PKHD1L1: variants seen among roughly 807,000 people sequenced by gnomAD.
PKHD1L1 encodes PKHD1 like 1.
A neutral mutation model predicts 462.9 loss-of-function variants in PKHD1L1; 434 were observed. The ratio of observed to expected loss-of-function variants is 0.94; its 90% CI spans 0.87 to 1.02. PKHD1L1 has a LOEUF of 1.02. PKHD1L1 is among the 50% of genes least tolerant of loss of function. PKHD1L1 has a pLI of 0.00. For missense variants in PKHD1L1, 5,202 were observed against 5,096.1 expected (o/e 1.02, Z -0.63); for synonymous variants, 1,781 against 1,750.0 (o/e 1.02, Z -0.44).
At position 109,510,859 on chromosome 8, in the gene PKHD1L1, ATCTTATGAAGTTTACTTC is replaced by A; in HGVS notation, c.11479_11496del (p.Ser3827_Phe3832del). On this transcript the variant is annotated inframe_deletion, in exon 71 of 78. Transcript: ENST00000378402. The stretch of plus-strand genomic sequence containing the variant: ...TTCACAGCATTGTGGCTCTGAACAA[ATCTTATGAAGTTTACTTC>A]ACTGGCACCAGTCCTCAGAATCTTC... 2 of 1,613,402 alleles carry A rather than the reference ATCTTATGAAGTTTACTTC, an allele frequency of 1.2e-6. No homozygotes were observed. The highest frequency in any genetic ancestry group is 1.7e-6 in the Non-Finnish European group (2 of 1,179,526).
In PKHD1L1 at chr8:109,479,572, T is replaced by C. The variant is rs116618272; in HGVS notation, c.9111T>C (p.Phe3037=). The change falls in exon 54 of 78, where the codon TTT becomes TTC. Residue 3037 remains phenylalanine (F), a synonymous_variant. Coordinates refer to ENST00000378402, the MANE Select transcript of PKHD1L1 (RefSeq NM_177531.6). ...TCAGTTTATGGTCAAATGATTCTTT[T>C]TGGCAATCATCACGAGAAAATAATT... ...ATYNLWSNDS[F]WQSSRENNYT... 1,536 of 1,526,602 alleles carry C rather than the reference T, an allele frequency of 1.0e-3. 18 individuals are homozygous for C. The African/African-American group carries it at 0.016, about 16-fold the overall frequency. The allele number at this position is 1,526,602 out of a possible 1,614,324, so 94.6% of individuals were successfully genotyped here.
chr8:109,396,930 A>G (rs1368669943), intron 11 of PKHD1L1, among the ~76,000 whole-genome samples: 2 of 152,198 alleles, frequency 1.3e-5, no homozygotes, highest in Non-Finnish European at 2.9e-5. Flanking sequence ...AGAGAAATGG[A>G]TATTAAGCAA....
intron 60 of PKHD1L1, among the ~76,000 whole-genome samples, 159 bp from the exon 61 acceptor site, chr8:109,490,813 G>C (rs1456611730): frequency 1.3e-5 from 2 of 151,400 alleles, no homozygotes; most frequent in African/African-American, 4.8e-5. Context: ...TTTATATATG[G>C]ATATATTAAA....
At chr8:109,442,514 G>A (rs1401561616) in intron 35 of PKHD1L1, among the ~76,000 whole-genome samples, 2 of 152,110 alleles carry the variant, frequency 1.3e-5, no homozygotes, top group South Asian at 2.1e-4. Context: ...GGTAGCAAGC[G>A]ATGAACTTTG....
intron 2 of PKHD1L1, among the ~76,000 whole-genome samples, chr8:109,368,660 C>T (rs1811345946): frequency 6.6e-6 from 1 of 152,092 alleles, no homozygotes; most frequent in Non-Finnish European, 1.5e-5. Context: ...TTCAACAGTG[C>T]TTTTTTAACT....
At chr8:109,395,718 T>C (rs1812937051) in intron 10 of PKHD1L1, among the ~76,000 whole-genome samples, 1 of 152,184 alleles carries the variant, frequency 6.6e-6, no homozygotes, top group Non-Finnish European at 1.5e-5. Context: ...GAAGAGGTGG[T>C]TCTACCTGCC....
intron 53 of PKHD1L1, among the ~76,000 whole-genome samples, chr8:109,477,702 A>G (rs967015957): frequency 3.9e-5 from 6 of 152,186 alleles, no homozygotes; most frequent in African/African-American, 1.4e-4. Flanking sequence ...CAGTGAACAT[A>G]GGTGCATTAC....
chr8:109,389,246 T>C lies in PKHD1L1; in HGVS notation c.697+94T>C. The C allele has an allele frequency of 8.8e-6, 8 of 912,888 alleles. No individual in the cohort carries two copies. The East Asian group carries it at 2.1e-4, about 24-fold the overall frequency. The allele number at this position is 912,888 out of a possible 1,614,324, so 56.5% of individuals were successfully genotyped here. On this transcript the variant is annotated intron_variant, in intron 8 of 77. Transcript: ENST00000378402. ...CCTAGACCTCCCTCCTCTGCCCTTT[T>C]GGATCAGGTGTTTTTGTTTGTTTGT...
At chr8:109,383,145 T>TATTATATATAAATATATAC (rs1563723713) in intron 4 of PKHD1L1, among the ~76,000 whole-genome samples, 1 of 71,768 alleles carries the variant, frequency 1.4e-5, no homozygotes, top group East Asian at 3.1e-4. Flanking sequence ...TTATTGTATA[T>TATTATATATAAATATATAC]ATTATATATA....
At chr8:109,473,990 T>C (rs1396476786) in intron 50 of PKHD1L1, among the ~76,000 whole-genome samples, 1 of 152,110 alleles carries the variant, frequency 6.6e-6, no homozygotes. Context: ...AGCAGGGAAG[T>C]CTACTTTGCC....
rs1563551472 is a variant in PKHD1L1 at position 109,445,295 on chromosome 8, A to G, written c.5426A>G (p.His1809Arg). 3 of 1,614,026 alleles carry G rather than the reference A, an allele frequency of 1.9e-6. No individual in the cohort carries two copies. The highest frequency in any genetic ancestry group is 1.7e-5 in the Admixed American group (1 of 60,018). Residue 1809 changes from histidine (H) to arginine (R), a missense_variant, in exon 38 of 78, where the codon CAT becomes CGT. His to Arg is a conservative substitution (Grantham distance 29). Around this residue, in one of 3 missense-constraint regions of PKHD1L1, gnomAD observed 4,497 missense variants for 4,336.8 expected, o/e 1.04. Transcript: ENST00000378402. ...TALVTPLPVGHHSVSVVVGSK... is the reference protein window; with the variant it reads ...TALVTPLPVGRHSVSVVVGSK... ...CTTGTGACTCCTCTCCCAGTTGGAC[A>G]TCATTCTGTTAGTGTTGTGGTGGGA...
At chr8:109,394,899 T>C (rs370326469) in intron 10 of PKHD1L1, among the ~76,000 whole-genome samples, 1 of 152,200 alleles carries the variant, frequency 6.6e-6, no homozygotes, top group East Asian at 1.9e-4. Flanking sequence ...ATCCACTGAA[T>C]GTGTATTAGC....
rs191220279 is a variant in PKHD1L1, at chr8:109,524,195, G to A, written c.12484+809G>A. Among the ~76,000 whole-genome samples, 6 of 152,160 alleles carry A rather than the reference G, an allele frequency of 3.9e-5. No homozygotes were observed. The East Asian group carries it at 1.2e-3, about 29-fold the overall frequency. Reference sequence around the variant, plus strand: ...ATTGTTCTGTTTGTCCCAACTCAGGGCCTATTTAAGATAGTTAGGGGCCTT... The same window carrying A: ...ATTGTTCTGTTTGTCCCAACTCAGGACCTATTTAAGATAGTTAGGGGCCTT... On this transcript the variant is annotated intron_variant, in intron 76 of 77. Transcript: ENST00000378402.
In PKHD1L1 at chr8:109,497,137, A is replaced by G. The variant is rs762915722; in HGVS notation, c.10477-13A>G. 6.2e-7 allele frequency: 1 copy of G among 1,613,090 alleles called. No individual in the cohort carries two copies. Among genetic ancestry groups the G allele is most frequent in the South Asian group, 1.1e-5 (1 of 91,016 alleles). On this transcript the variant is annotated splice_polypyrimidine_tract_variant and intron_variant, in intron 64 of 77. Transcript: ENST00000378402. ...TGTCCTTAGTATTATGTAACCTGCAAATTCTATTGCAGACCACAGAGAGTG... is the reference window on the plus strand; with the variant it reads ...TGTCCTTAGTATTATGTAACCTGCAGATTCTATTGCAGACCACAGAGAGTG...
rs1400175699 is a variant in PKHD1L1 at position 109,438,905 on chromosome 8, A to G, written c.3769A>G (p.Asn1257Asp). 4 of 1,598,214 alleles carry G rather than the reference A, an allele frequency of 2.5e-6. No individual in the cohort carries two copies. Among genetic ancestry groups the G allele is most frequent in the Non-Finnish European group, 3.4e-6 (4 of 1,172,576 alleles). The change falls in exon 32 of 78, where the codon AAT becomes GAT. Residue 1257 changes from asparagine to aspartate, a missense_variant. This residue lies in a region of PKHD1L1 where 4,497 missense variants were observed against 4,336.8 expected (regional missense o/e 1.04). Transcript: ENST00000378402. ...PKVRTILGEV[N>D]LTIKGYNFGN... ...AAATTTTAAAATACCAGGAGAAGTT[A>G]ATTTAACAATTAAGGGCTATAATTT...
At chr8:109,420,397 G>C (rs879664898) in intron 22 of PKHD1L1, 121 bp from the exon 23 acceptor site, 2 of 560,180 alleles carry the variant, frequency 3.6e-6, no homozygotes, top group Admixed American at 7.9e-5. Flanking sequence ...GATATTATTT[G>C]ATGATTTTAT....
intron 2 of PKHD1L1, among the ~76,000 whole-genome samples, chr8:109,366,172 G>A (rs902054495): frequency 6.6e-6 from 1 of 152,136 alleles, no homozygotes; most frequent in Non-Finnish European, 1.5e-5. Flanking sequence ...CTTTTCTTTT[G>A]TGTGGACGTT....
At chr8:109,507,637 C>T (rs1819757088) in intron 68 of PKHD1L1, 26 bp from the exon 69 acceptor site, 2 of 1,570,326 alleles carry the variant, frequency 1.3e-6, no homozygotes, top group Admixed American at 3.4e-5. Context: ...AAACAATGAA[C>T]TGAATAATTC....
chr8:109,471,419 C>T (rs184280122), intron 50 of PKHD1L1, among the ~76,000 whole-genome samples: 1 of 152,274 alleles, frequency 6.6e-6, no homozygotes, highest in African/African-American at 2.4e-5. Context: ...ATCTGTTTTA[C>T]AGGAAACAGA....
Sources: gnomAD v4.1 joint callset for allele counts (sites outside exome capture counted in the v4.1 genomes callset) on GRCh38, gnomAD v4.1.1 for gene constraint, gnomAD v4.1.1 regional missense constraint, MANE v1.5 for transcripts, NCBI Gene and HGNC (gene_info 2026-07-23, HGNC 2026-07-21) for gene names.